FLT1: variants seen among roughly 807,000 people sequenced by gnomAD.
FLT1 encodes the protein fms related receptor tyrosine kinase 1, also known as vascular endothelial growth factor receptor 1.
In FLT1, 49 loss-of-function variants were observed where a neutral mutation model predicts 156.3. The ratio of observed to expected loss-of-function variants is 0.31; its 90% confidence interval spans 0.25 to 0.40. The LOEUF is 0.40. Ranked by LOEUF, FLT1 falls within the 10% of genes least tolerant of loss-of-function variation. FLT1 has a pLI of 1.00. For missense variants in FLT1, 1,322 were observed against 1,637.2 expected (o/e 0.81, Z 3.32); for synonymous variants, 594 against 583.8 (o/e 1.02, Z -0.25).
chr13:28,372,936 C>T (rs79363777), intron 14 of FLT1, among the ~76,000 whole-genome samples: 5,550 of 151,250 alleles, frequency 0.037, 292 homozygotes, highest in Admixed American at 0.15. Context: ...AAACTGTAGC[C>T]CTTTTTACCT....
At chr13:28,488,738 A>C (rs184817217) in intron 1 of FLT1, among the ~76,000 whole-genome samples, 3 of 152,298 alleles carry the variant, frequency 2.0e-5, no homozygotes, top group East Asian at 3.9e-4. Flanking sequence ...GAACCCATTT[A>C]TATGAAGGGT....
intron 16 of FLT1, among the ~76,000 whole-genome samples, chr13:28,343,301 T>G (rs1056198297): frequency 6.6e-5 from 10 of 150,926 alleles, no homozygotes; most frequent in African/African-American, 2.5e-4. Context: ...AATTTCTTTC[T>G]TTTCTTTTTT....
Position 28,345,521 on chromosome 13 carries a change from A to T in FLT1, c.2279T>A (p.Ile760Asn), listed in dbSNP as rs2138859381. 1 of 1,612,588 alleles carries T rather than the reference A, an allele frequency of 6.2e-7. No homozygotes were observed. Among genetic ancestry groups the T allele is most frequent in the Non-Finnish European group, 8.5e-7 (1 of 1,178,974 alleles). ...AGCCACACAGGTGCATGTTAGAGTG[A>T]TCAGCTCCAGATTAGACTTGTCCGA... ...GTSDKSNLEL[I>N]TLTCTCVAAT... Residue 760 changes from isoleucine to asparagine, a missense_variant, in exon 16 of 30, where the codon ATC (isoleucine) becomes AAC (asparagine). By Grantham distance (149) the Ile-to-Asn change is moderately radical. Transcript: ENST00000282397.
At position 28,343,600 on chromosome 13, in the gene FLT1, C is replaced by G. The variant is rs544498210; in HGVS notation, c.2355+1845G>C. 1.1e-3 allele frequency among the ~76,000 whole-genome samples: 163 copies of G among 151,790 alleles called. 1 individual carries two copies. Among genetic ancestry groups the G allele is most frequent in the African/African-American group, 3.8e-3 (156 of 41,482 alleles). On this transcript the variant is annotated intron_variant, in intron 16 of 29. Transcript: ENST00000282397. ...CTCAGATTACAGGTGTGGGCCACCA[C>G]GCGCGGCCTGCCACCAAAATTTCTC...
At position 28,399,664 on chromosome 13, in the gene FLT1, G is replaced by C. The variant is rs551242377; in HGVS notation, c.1552-2596C>G. ...GAATAAAACTGAGGTGCCCCGAAGT[G>C]AAATGAATCCGGGTCACAAGATGGA... On this transcript the variant is annotated intron_variant, in intron 11 of 29. Coordinates refer to ENST00000282397, the MANE Select transcript of FLT1 (RefSeq NM_002019.4). Among the ~76,000 whole-genome samples the C allele has an allele frequency of 1.7e-4, 26 of 152,286 alleles. 1 individual carries two copies. Among genetic ancestry groups the C allele is most frequent in the Middle Eastern group, 6.8e-3 (2 of 294 alleles).
At chr13:28,338,795 G>A (rs185519387) in intron 17 of FLT1, among the ~76,000 whole-genome samples, 2 of 152,164 alleles carry the variant, frequency 1.3e-5, no homozygotes, top group Admixed American at 6.5e-5. Context: ...TTATGTAAGC[G>A]TGCGTGTACT....
At chr13:28,359,645 G>A (rs925656466) in intron 14 of FLT1, among the ~76,000 whole-genome samples, 1 of 152,078 alleles carries the variant, frequency 6.6e-6, no homozygotes, top group Non-Finnish European at 1.5e-5. Flanking sequence ...CATCAGATAA[G>A]GAGCCAATAT....
chr13:28,424,288 GCT>G (rs1877205539), intron 10 of FLT1, among the ~76,000 whole-genome samples: 7 of 151,706 alleles, frequency 4.6e-5, no homozygotes, highest in Admixed American at 4.6e-4. Context: ...GAAAGATTCT[GCT>G]TTATTTCTTC....
chr13:28,304,492 T>C (rs1233852322), intron 29 of FLT1, among the ~76,000 whole-genome samples: 2 of 152,020 alleles, frequency 1.3e-5, no homozygotes. Flanking sequence ...ATAACCCATA[T>C]CTGCCCACCT....
At chr13:28,386,503 A>G (rs1448503417) in intron 13 of FLT1, 3 of 1,049,098 alleles carry the variant, frequency 2.9e-6, no homozygotes, top group Non-Finnish European at 3.5e-6. Context: ...ATGTACAAAA[A>G]CTTCTTCAAA....
At chr13:28,401,462 T>C (rs567659676) in intron 11 of FLT1, among the ~76,000 whole-genome samples, 1 of 152,196 alleles carries the variant, frequency 6.6e-6, no homozygotes, top group East Asian at 1.9e-4. Context: ...TCCCCTTCAC[T>C]AAGCATTAGT....
chr13:28,475,400 T>C (rs17086732), intron 1 of FLT1, among the ~76,000 whole-genome samples: 2,231 of 152,324 alleles, frequency 0.015, 65 homozygotes, highest in African/African-American at 0.05. Flanking sequence ...TCCTGAATGA[T>C]AAATGGCCTC....
At chr13:28,375,563 T>C (rs1873805974) in intron 14 of FLT1, among the ~76,000 whole-genome samples, 1 of 152,204 alleles carries the variant, frequency 6.6e-6, no homozygotes, top group East Asian at 1.9e-4. Flanking sequence ...AAGAACTTTA[T>C]CCTTGGAAAA....
intron 14 of FLT1, among the ~76,000 whole-genome samples, chr13:28,375,386 AT>A (rs34800184): frequency 0.49 from 74,150 of 150,352 alleles, 18,304 homozygotes; most frequent in African/African-American, 0.57. Flanking sequence ...AACATTTTCA[AT>A]TTTTTTTTTT....
At chr13:28,418,268 C>T (rs554948188) in intron 10 of FLT1, among the ~76,000 whole-genome samples, 3 of 152,314 alleles carry the variant, frequency 2.0e-5, no homozygotes, top group African/African-American at 7.2e-5. Flanking sequence ...GGGCCCAAGA[C>T]AGCTGTAGGT....
rs1870510040 is a variant in FLT1, at chr13:28,301,376, C to G, written c.*1791G>C. 1 of 233,024 alleles carries G rather than the reference C, an allele frequency of 4.3e-6. No homozygotes were observed. The highest frequency in any genetic ancestry group is 2.2e-5 in the African/African-American group (1 of 45,316). The allele number at this position is 233,024 out of a possible 1,614,324, so 14.4% of individuals were successfully genotyped here. ...TCTTGGTGGAGAGGACTGTCCCACT[C>G]CTCTCTTCTGGCTAGTGAGTCTTCC... On this transcript the variant is annotated 3_prime_UTR_variant, in exon 30 of 30. Transcript: ENST00000282397.
chr13:28,348,410 C>G (rs181968362), intron 15 of FLT1, among the ~76,000 whole-genome samples: 1 of 152,322 alleles, frequency 6.6e-6, no homozygotes, highest in Non-Finnish European at 1.5e-5. Context: ...CTCCCACTTG[C>G]TTCAGTCACG....
intron 11 of FLT1, 139 bp downstream of exon 11, chr13:28,405,641 T>C: frequency 1.5e-6 from 1 of 686,116 alleles, no homozygotes; most frequent in Admixed American, 2.0e-5. Context: ...CATGAAGACA[T>C]AGCTCAGATA....
At chr13:28,412,517 G>A (rs1355037135) in intron 10 of FLT1, among the ~76,000 whole-genome samples, 2 of 150,996 alleles carry the variant, frequency 1.3e-5, no homozygotes, top group African/African-American at 4.9e-5. Flanking sequence ...CGCCTCCCAG[G>A]TTCAAGCGAT....
Sources: gnomAD v4.1 joint callset for allele counts (sites outside exome capture counted in the v4.1 genomes callset) on GRCh38, gnomAD v4.1.1 for gene constraint, MANE v1.5 for transcripts, NCBI Gene and HGNC (gene_info 2026-07-23, HGNC 2026-07-21) for gene names.